Variants in ITGAV observed in about 807,000 individuals in gnomAD.
ITGAV encodes the protein integrin alpha-V.
In ITGAV, 76 loss-of-function variants were observed where a neutral mutation model predicts 143.8. The observed-to-expected ratio is 0.53, with a 90% CI of 0.44 to 0.64. ITGAV has a LOEUF of 0.64. Among genes scored for constraint, ITGAV ranks in the 30% least tolerant of loss-of-function variants. ITGAV has a pLI of 0.00. For synonymous variants in ITGAV, 453 were observed against 446.7 expected, an observed-to-expected ratio of 1.01 and a Z score of -0.18; for missense variants, 1,193 against 1,274.7, an observed-to-expected ratio of 0.94 and a Z score of 0.98.
At chr2:186,675,528 A>AT (rs1689182946) in intron 26 of ITGAV, 76 bp from the exon 27 acceptor site, 10 of 1,123,160 alleles carry the variant, frequency 8.9e-6, no homozygotes, top group Non-Finnish European at 1.3e-5. Context: ...CAAAAAGAAA[A>AT]AAAATGGCAA....
chr2:186,656,053 T>G (rs1005281983), intron 16 of ITGAV, among the ~76,000 whole-genome samples, 194 bp from the exon 17 acceptor site: 2 of 152,124 alleles, frequency 1.3e-5, no homozygotes, highest in African/African-American at 2.4e-5. Context: ...GTTTGATTAA[T>G]TATTTAATTA....
At chr2:186,598,996 T>C (rs1266008189) in intron 1 of ITGAV, among the ~76,000 whole-genome samples, 1 of 152,208 alleles carries the variant, frequency 6.6e-6, no homozygotes, top group Non-Finnish European at 1.5e-5. Context: ...TAGATGAGAT[T>C]TGGCAGCTAC....
In ITGAV at chr2:186,653,421, G is replaced by A. The variant is rs569994762; in HGVS notation, c.1506-1229G>A. ...ATTCATGTTCCTTACTTACACAGAC[G>A]AGTTGCAGAGAACTTATGATCAAGG... On this transcript the variant is annotated intron_variant, in intron 15 of 29. Coordinates refer to ENST00000261023, the MANE Select transcript of ITGAV (RefSeq NM_002210.5). 5.4e-3 allele frequency among the ~76,000 whole-genome samples: 817 copies of A among 152,156 alleles called. 4 individuals are homozygous for A. The highest frequency in any genetic ancestry group is 9.5e-3 in the Non-Finnish European group (649 of 68,012).
At position 186,677,639 on chromosome 2, in the gene ITGAV, T is replaced by TTTGTTGTTG. The variant is rs750013127; in HGVS notation, c.*371_*379dup. 297 of 189,230 alleles carry TTTGTTGTTG rather than the reference T, an allele frequency of 1.6e-3. No homozygotes were observed. Among genetic ancestry groups the TTTGTTGTTG allele is most frequent in the African/African-American group, 6.3e-3 (266 of 41,918 alleles). 11.7% of individuals were successfully genotyped at this position (189,230 alleles called of 1,614,324 possible). Reference sequence around the variant, plus strand: ...TTCTGATTTAATGTACGGAACTTTATTTGTTGTTGTTGTTGTTGTTGTTGT... The same window carrying TTTGTTGTTG: ...TTCTGATTTAATGTACGGAACTTTATTTGTTGTTGTTGTTGTTGTTGTTGTTGTTGTTGT... On this transcript the variant is annotated 3_prime_UTR_variant, in exon 30 of 30. Coordinates refer to ENST00000261023, the MANE Select transcript of ITGAV (RefSeq NM_002210.5).
chr2:186,611,562 C>G (rs190892387), intron 2 of ITGAV, among the ~76,000 whole-genome samples: 1 of 152,052 alleles, frequency 6.6e-6, no homozygotes, highest in Non-Finnish European at 1.5e-5. Flanking sequence ...AAGAACCATG[C>G]TTATATAAGT....
At chr2:186,625,445 G>C (rs373108509) in intron 3 of ITGAV, 28 bp from the exon 4 acceptor site, 1 of 1,462,618 alleles carries the variant, frequency 6.8e-7, no homozygotes, top group Non-Finnish European at 9.6e-7. Flanking sequence ...GAAAATCTTC[G>C]TGTCGTGGAC....
chr2:186,594,759 C>A (rs1375403313), intron 1 of ITGAV, among the ~76,000 whole-genome samples: 1 of 152,186 alleles, frequency 6.6e-6, no homozygotes, highest in Non-Finnish European at 1.5e-5. Context: ...TCTACTCTTA[C>A]CATTTTAACC....
intron 4 of ITGAV, among the ~76,000 whole-genome samples, chr2:186,626,566 T>G (rs1056079102): frequency 1.3e-5 from 2 of 152,234 alleles, no homozygotes; most frequent in African/African-American, 4.8e-5. Context: ...CCATGTTAGG[T>G]GACCTGTGAC....
Position 186,641,500 on chromosome 2 carries a change from G to C in ITGAV, c.1071G>C (p.Gln357His). 6.2e-7 allele frequency: 1 copy of C among 1,614,232 alleles called. No individual in the cohort carries two copies. Among genetic ancestry groups the C allele is most frequent in the East Asian group, 2.2e-5 (1 of 44,882 alleles). The change falls in exon 12 of 30, where the codon CAG becomes CAC. Residue 357 changes from glutamine (Q) to histidine (H), a missense_variant. Coordinates refer to ENST00000261023, the MANE Select transcript of ITGAV (RefSeq NM_002210.5). Reference protein sequence around the residue: ...VSLQRASGDFQTTKLNGFEVF... With the variant: ...VSLQRASGDFHTTKLNGFEVF... ...TACAGAGAGCTTCAGGAGACTTCCA[G>C]ACGACAAAGCTGAATGGATTTGAGG...
intron 3 of ITGAV, among the ~76,000 whole-genome samples, 164 bp from the exon 4 acceptor site, chr2:186,625,309 C>A (rs1459209567): frequency 6.6e-6 from 1 of 152,132 alleles, no homozygotes; most frequent in Admixed American, 6.6e-5. Flanking sequence ...GAGTTCAAGG[C>A]TGCAGTGAGC....
chr2:186,644,229 C>T (rs1318662587), intron 12 of ITGAV, among the ~76,000 whole-genome samples: 1 of 152,194 alleles, frequency 6.6e-6, no homozygotes. Context: ...CAAGCATGAG[C>T]TACCGTGGCC....
At chr2:186,594,755 CT>C (rs1686701195) in intron 1 of ITGAV, among the ~76,000 whole-genome samples, 1 of 152,214 alleles carries the variant, frequency 6.6e-6, no homozygotes, top group African/African-American at 2.4e-5. Flanking sequence ...CATTTCTACT[CT>C]TACCATTTTA....
Position 186,675,939 on chromosome 2 carries a change from G to A in ITGAV, c.2928+12G>A, listed in dbSNP as rs1037040990. 18 of 1,371,782 alleles carry A rather than the reference G, an allele frequency of 1.3e-5. No homozygotes were observed. The highest frequency in any genetic ancestry group is 1.8e-5 in the Non-Finnish European group (17 of 967,342). The allele number at this position is 1,371,782 out of a possible 1,614,324, so 85.0% of individuals were successfully genotyped here. ...CCAACTCCACATTGGTAAGTCATTGGTTTAGGCAAATAGAATAAATTTACT... is the reference window on the plus strand; with the variant it reads ...CCAACTCCACATTGGTAAGTCATTGATTTAGGCAAATAGAATAAATTTACT... On this transcript the variant is annotated intron_variant, in intron 28 of 29. Transcript: ENST00000261023.
At chr2:186,616,066 C>A (rs1687348770) in intron 2 of ITGAV, among the ~76,000 whole-genome samples, 1 of 151,888 alleles carries the variant, frequency 6.6e-6, no homozygotes, top group African/African-American at 2.4e-5. Flanking sequence ...TATTTCTTTG[C>A]CACTGAATTT....
In ITGAV at chr2:186,622,383, C is replaced by T; in HGVS notation, c.361C>T (p.His121Tyr). The change falls in exon 3 of 30, where the codon CAT becomes TAT. Residue 121 changes from histidine to tyrosine, a missense_variant. Physicochemically the swap from His to Tyr is moderately conservative, Grantham distance 83. Coordinates refer to ENST00000261023, the MANE Select transcript of ITGAV (RefSeq NM_002210.5). ...GGATGATCCATTGGAATTTAAGTCC[C>T]ATCAGTGGTTTGGAGCATCTGTGAG... ...AKDDPLEFKS[H>Y]QWFGASVRSK... is the part of the protein sequence containing the mutation. 6.2e-7 allele frequency: 1 copy of T among 1,613,744 alleles called. No individual in the cohort carries two copies.
At chr2:186,600,172 T>A (rs1686859073) in intron 1 of ITGAV, 2 of 611,532 alleles carry the variant, frequency 3.3e-6, no homozygotes, top group Non-Finnish European at 2.9e-6. Flanking sequence ...CTTGTGCCAC[T>A]CCCGGCTTGT....
intron 1 of ITGAV, chr2:186,600,200 C>T: frequency 1.3e-6 from 1 of 784,772 alleles, no homozygotes; most frequent in Middle Eastern, 2.3e-4. Context: ...TTCAGCCATA[C>T]CTTTCTTTGT....
chr2:186,667,681 C>T lies in ITGAV; in HGVS notation c.2338C>T (p.Pro780Ser), dbSNP rs200169203. 52 of 1,597,218 alleles carry T rather than the reference C, an allele frequency of 3.3e-5. No individual in the cohort carries two copies. Among genetic ancestry groups the T allele is most frequent in the Non-Finnish European group, 4.2e-5 (49 of 1,166,046 alleles). The change falls in exon 24 of 30, where the codon CCT becomes TCT. Residue 780 changes from proline to serine, a missense_variant. Pro to Ser is a moderately conservative substitution (Grantham distance 74). Transcript: ENST00000261023. ...TTGGTCATTGTTTAGAGTCTCGAGTCCTGATCATGTCTTTCTTCCGATTCC... is the reference window on the plus strand; with the variant it reads ...TTGGTCATTGTTTAGAGTCTCGAGTTCTGATCATGTCTTTCTTCCGATTCC... ...AAVEIRGVSSPDHVFLPIPNW... is the reference protein window; with the variant it reads ...AAVEIRGVSSSDHVFLPIPNW...
chr2:186,644,841 A>G (rs61765184), intron 12 of ITGAV, among the ~76,000 whole-genome samples: 1 of 152,022 alleles, frequency 6.6e-6, no homozygotes, highest in African/African-American at 2.4e-5. Context: ...AAGTACCTCA[A>G]TGTGATCATC....
Sources: allele counts gnomAD v4.1 joint callset (sites outside exome capture counted in the v4.1 genomes callset), GRCh38; gene constraint gnomAD v4.1.1; transcripts MANE v1.5; gene names NCBI Gene and HGNC (gene_info 2026-07-23, HGNC 2026-07-21).